Variants in IDO2 observed in about 807,000 individuals in gnomAD.
The protein encoded by IDO2 is indoleamine 2,3-dioxygenase 2.
Under a neutral mutation model 45.1 loss-of-function variants are expected in IDO2, and 46 were observed. The ratio of observed to expected loss-of-function variants is 1.02; its 90% CI spans 0.80 to 1.30. The LOEUF is 1.30. IDO2 is among the 50% of genes most tolerant of loss of function. IDO2 has a pLI of 0.00. For missense variants in IDO2, 544 were observed against 491.8 expected (o/e 1.11, Z -1.00); for synonymous variants, 218 against 184.9 (o/e 1.18, Z -1.45).
chr8:39,968,641 A>G (rs1808132007), intron 3 of IDO2, among the ~76,000 whole-genome samples: 1 of 152,212 alleles, frequency 6.6e-6, no homozygotes. Context: ...GTTCTTACTT[A>G]TAAGTGGGAG....
intron 1 of IDO2, among the ~76,000 whole-genome samples, chr8:39,942,756 C>A (rs1343710492): frequency 6.6e-6 from 1 of 152,148 alleles, no homozygotes; most frequent in Non-Finnish European, 1.5e-5. Flanking sequence ...GTTTCATTCC[C>A]ATAAATCTTG....
intron 2 of IDO2, among the ~76,000 whole-genome samples, chr8:39,950,754 A>G (rs1807802835): frequency 6.6e-6 from 1 of 152,116 alleles, no homozygotes; most frequent in African/African-American, 2.4e-5. Flanking sequence ...TTTTAATTGG[A>G]TAAGGGAACA....
chr8:39,942,375 G>A (rs1807655669), intron 1 of IDO2, among the ~76,000 whole-genome samples: 1 of 152,186 alleles, frequency 6.6e-6, no homozygotes, highest in Non-Finnish European at 1.5e-5. Context: ...TGGGCGTGGT[G>A]GTTCACGCCT....
At chr8:40,006,786 G>A (rs757922914) in intron 9 of IDO2, among the ~76,000 whole-genome samples, 4 of 151,868 alleles carry the variant, frequency 2.6e-5, no homozygotes, top group African/African-American at 4.8e-5. Flanking sequence ...TCAGCCTCCC[G>A]AGTAGCTGCG....
intron 8 of IDO2, among the ~76,000 whole-genome samples, chr8:40,002,023 T>A (rs955480020): frequency 1.3e-5 from 2 of 152,156 alleles, no homozygotes; most frequent in Non-Finnish European, 2.9e-5. Flanking sequence ...TGACTTCAAG[T>A]GATCCACCTG....
chr8:39,939,542 G>A, intron 1 of IDO2, among the ~76,000 whole-genome samples: 1 of 64,718 alleles, frequency 1.5e-5, no homozygotes, highest in Admixed American at 3.1e-4. Flanking sequence ...GCGAGACTCT[G>A]TCTCAAAAAA....
chr8:39,971,189 C>G (rs544772917), intron 3 of IDO2, among the ~76,000 whole-genome samples: 2 of 152,288 alleles, frequency 1.3e-5, no homozygotes, highest in Admixed American at 6.5e-5. Context: ...TTCCTGAAAT[C>G]TTAGGGCCCT....
chr8:39,958,187 G>A (rs769753133), intron 2 of IDO2, among the ~76,000 whole-genome samples: 2 of 151,592 alleles, frequency 1.3e-5, no homozygotes, highest in African/African-American at 4.9e-5. Context: ...TTACAGGCGC[G>A]AGCCACCGCG....
intron 1 of IDO2, among the ~76,000 whole-genome samples, chr8:39,946,390 A>G (rs938051633): frequency 1.3e-4 from 20 of 151,824 alleles, no homozygotes; most frequent in Non-Finnish European, 2.7e-4. Context: ...CAGGCGGATC[A>G]CAAGGTCAGG....
At chr8:39,986,660 T>C (rs983486428) in intron 6 of IDO2, among the ~76,000 whole-genome samples, 1 of 147,616 alleles carries the variant, frequency 6.8e-6, no homozygotes, top group African/African-American at 2.5e-5. Context: ...CCCATTCGAT[T>C]GTACAGCATT....
chr8:39,972,674 G>A (rs1208292335), intron 3 of IDO2, among the ~76,000 whole-genome samples: 1 of 146,138 alleles, frequency 6.8e-6, no homozygotes, highest in East Asian at 2.0e-4. Flanking sequence ...CAGATTGCAT[G>A]CATGCAATGG....
chr8:39,995,189 CT>C (rs1802016249), intron 8 of IDO2: 2 of 82,154 alleles, frequency 2.4e-5, no homozygotes, highest in African/African-American at 1.0e-4. Flanking sequence ...CCTTCTTCTT[CT>C]TCTTCTTCTT....
At chr8:40,002,193 G>A in intron 8 of IDO2, among the ~76,000 whole-genome samples, 1 of 122,130 alleles carries the variant, frequency 8.2e-6, no homozygotes, top group South Asian at 2.5e-4. Context: ...TCTGTAAGTA[G>A]TATGAGATGA....
At chr8:39,942,601 C>T (rs927645335) in intron 1 of IDO2, among the ~76,000 whole-genome samples, 9 of 150,924 alleles carry the variant, frequency 6.0e-5, no homozygotes, top group South Asian at 2.1e-4. Context: ...GATCAAGCCA[C>T]GGCACTCCAG....
chr8:39,953,545 A>G (rs919957376), intron 2 of IDO2, among the ~76,000 whole-genome samples: 1 of 152,096 alleles, frequency 6.6e-6, no homozygotes, highest in Non-Finnish European at 1.5e-5. Context: ...TTTACTTCAT[A>G]TTTATTTTTA....
At chr8:39,949,503 A>G (rs1159735017) in intron 2 of IDO2, among the ~76,000 whole-genome samples, 1 of 152,186 alleles carries the variant, frequency 6.6e-6, no homozygotes. Context: ...CTAGATTGTC[A>G]GGCCAGAGAA....
At chr8:39,979,973 C>G (rs370964021) in intron 4 of IDO2, among the ~76,000 whole-genome samples, 4 of 152,124 alleles carry the variant, frequency 2.6e-5, no homozygotes, top group Non-Finnish European at 4.4e-5. Flanking sequence ...CAGCATGTAC[C>G]GCCACACCCA....
At chr8:40,000,212 G>A (rs1218663423) in intron 8 of IDO2, among the ~76,000 whole-genome samples, 1 of 152,054 alleles carries the variant, frequency 6.6e-6, no homozygotes, top group Non-Finnish European at 1.5e-5. Context: ...AAGAGATTGA[G>A]ACCATCCTGG....
rs886680557 is a variant in IDO2, at chr8:39,974,754, C to T, written c.196-4313C>T. Among the ~76,000 whole-genome samples, 5 of 152,324 alleles carry T rather than the reference C, an allele frequency of 3.3e-5. No homozygotes were observed. In the East Asian group the frequency reaches 9.7e-4, roughly 29 times the overall value. The stretch of plus-strand genomic sequence containing the variant: ...TGGCCAATATGGTGAAAACTCATCT[C>T]TACTAAAAATACAAAAATTAGCTGG... On this transcript the variant is annotated intron_variant, in intron 3 of 10. Transcript: ENST00000502986.
Sources: allele counts gnomAD v4.1 joint callset (sites outside exome capture counted in the v4.1 genomes callset), GRCh38; gene constraint gnomAD v4.1.1; transcripts MANE v1.5; gene names NCBI Gene and HGNC (gene_info 2026-07-23, HGNC 2026-07-21).